The following ESPN variants were observed in gnomAD, a reference collection of about 807,000 sequenced individuals.
ESPN encodes the protein espin, also known as autosomal recessive deafness type 36 protein.
In ESPN, 68 loss-of-function variants were observed where a neutral mutation model predicts 77.7. That is an observed-to-expected ratio of 0.87 (90% CI 0.72 to 1.07). ESPN has a LOEUF of 1.07. Among genes scored for constraint, ESPN ranks in the 50% least tolerant of loss-of-function variants. The probability of loss-of-function intolerance (pLI) is 0.00; values close to 1 mark genes in which losing one functional copy is unlikely to be tolerated. For synonymous variants in ESPN, 449 were observed against 567.1 expected (o/e 0.79, Z 2.96); for missense variants, 1,060 against 1,239.0 (o/e 0.86, Z 2.17).
intron 1 of ESPN, among the ~76,000 whole-genome samples, chr1:6,426,436 C>T (rs1266655873): frequency 6.6e-6 from 1 of 151,648 alleles, no homozygotes; most frequent in South Asian, 2.1e-4. Context: ...CCCAGCTTAT[C>T]GTCTCCTGCC....
chr1:6,425,364 G>A, intron 1 of ESPN, 115 bp downstream of exon 1: 1 of 1,311,692 alleles, frequency 7.6e-7, no homozygotes, highest in Non-Finnish European at 1.1e-6. Context: ...TGGCCCAGCT[G>A]AACCCTGCAC....
In ESPN at chr1:6,428,529, T is replaced by A; in HGVS notation, c.488+110T>A. ...CACTCCAGGGCAATGATCCCTCCAG[T>A]GGCCATCCTGGGGCCAGAGGGCCAG... On this transcript the variant is annotated intron_variant, in intron 2 of 12. Transcript: ENST00000645284. The surrounding 1 kb of genome is among the most constrained non-coding windows in gnomAD (Gnocchi z 5.4). 2.1e-6 allele frequency: 2 copies of A among 961,734 alleles called. No homozygotes were observed. Among genetic ancestry groups the A allele is most frequent in the Non-Finnish European group, 3.1e-6 (2 of 650,612 alleles). 59.6% of individuals were successfully genotyped at this position (961,734 alleles called of 1,614,324 possible).
intron 1 of ESPN, among the ~76,000 whole-genome samples, chr1:6,425,565 G>A (rs1643005313): frequency 6.6e-6 from 1 of 152,240 alleles, no homozygotes; most frequent in Admixed American, 6.5e-5. Flanking sequence ...TGTAGTCCTG[G>A]AAGTGGGTGG....
At position 6,448,664 on chromosome 1, in the gene ESPN, C is replaced by G. The variant is rs764808599; in HGVS notation, c.1488C>G (p.Asp496Glu). 3 of 1,560,308 alleles carry G rather than the reference C, an allele frequency of 1.9e-6. No individual in the cohort carries two copies. The highest frequency in any genetic ancestry group is 2.6e-6 in the Non-Finnish European group (3 of 1,164,484). Residue 496 changes from aspartate to glutamate, a missense_variant, in exon 8 of 13, where the codon GAC becomes GAG. Asp to Glu is a conservative substitution (Grantham distance 45). Transcript: ENST00000645284. The part of the protein sequence containing the change: ...KKELSSCDGH[D>E]GLRRQDSSRK... ...AGCTGAGCTCCTGTGACGGCCACGA[C>G]GGGCTGCGGAGGCAGGACTCCAGCC... is the stretch of plus-strand genomic sequence containing the variant.
At chr1:6,454,426 C>T in intron 10 of ESPN, 1 of 398,950 alleles carries the variant, frequency 2.5e-6, no homozygotes, top group Non-Finnish European at 4.4e-6. Flanking sequence ...TTGTCTTCCC[C>T]GCCTTAGCTG....
chr1:6,454,498 C>T, intron 10 of ESPN: 2 of 399,040 alleles, frequency 5.0e-6, no homozygotes, highest in Non-Finnish European at 8.8e-6. Flanking sequence ...GAGCACAACG[C>T]CATCCTCGGG....
chr1:6,444,631 G>T lies in ESPN; in HGVS notation c.1141G>T (p.Asp381Tyr), dbSNP rs752565640. The T allele has an allele frequency of 5.0e-6, 8 of 1,614,108 alleles. No homozygotes were observed. The highest frequency in any genetic ancestry group is 6.8e-6 in the Non-Finnish European group (8 of 1,180,020). The change falls in exon 6 of 13, where the codon GAC (aspartate) becomes TAC (tyrosine). Residue 381 changes from aspartate to tyrosine, a missense_variant. Asp to Tyr is a radical substitution (Grantham distance 160, BLOSUM62 -3). This residue lies in a region of ESPN where 556 missense variants were observed against 633.6 expected (regional missense o/e 0.88). Coordinates refer to ENST00000645284, the MANE Select transcript of ESPN (RefSeq NM_031475.3). ...SSPTSTLSNY[D>Y]SCSSSHSSIK... ...GCCTACCAGCACCCTCTCCAACTACGACTCCTGCTCCTCCAGCCACTCCAG... is the reference window on the plus strand; with the variant it reads ...GCCTACCAGCACCCTCTCCAACTACTACTCCTGCTCCTCCAGCCACTCCAG...
rs1643864650 is a variant in ESPN, at chr1:6,447,146, C to T, written c.1464+1211C>T. 1 of 153,260 alleles carries T rather than the reference C, an allele frequency of 6.5e-6. No individual in the cohort carries two copies. The highest frequency in any genetic ancestry group is 6.6e-5 in the Admixed American group (1 of 15,264). 9.5% of individuals were successfully genotyped at this position (153,260 alleles called of 1,614,324 possible). On this transcript the variant is annotated intron_variant, in intron 7 of 12. Coordinates refer to ENST00000645284, the MANE Select transcript of ESPN (RefSeq NM_031475.3). The surrounding 1 kb of genome is among the most constrained non-coding windows in gnomAD (Gnocchi z 5.2). Reference sequence around the variant, plus strand: ...CCCCTCCTGGCTGTGTGAGCCCCCTCCCGGCTGTGTGCGTCCCTCCGGGCT... The same window carrying T: ...CCCCTCCTGGCTGTGTGAGCCCCCTTCCGGCTGTGTGCGTCCCTCCGGGCT...
intron 12 of ESPN, among the ~76,000 whole-genome samples, chr1:6,459,627 G>A (rs1484971014): frequency 2.0e-5 from 3 of 151,936 alleles, no homozygotes; most frequent in African/African-American, 7.2e-5. Flanking sequence ...CCCCACCCCA[G>A]TCCTCAATAC....
At chr1:6,454,795 C>A (rs1261355413) in intron 10 of ESPN, 1 of 397,578 alleles carries the variant, frequency 2.5e-6, no homozygotes, top group African/African-American at 2.1e-5. Flanking sequence ...GGCCGGCCTG[C>A]GCACCTGGCG....
In ESPN at chr1:6,450,752, C is replaced by G. The variant is rs1643930050; in HGVS notation, c.1916-851C>G. ...TCCTACTCTTCTCCCCCACCACCCC[C>G]ACCCGCTGTGACTGCATTCTGGGAT... On this transcript the variant is annotated intron_variant, in intron 8 of 12. Transcript: ENST00000645284. This position sits in a 1 kb window ranked among gnomAD's most constrained non-coding sequence, Gnocchi z 4.3. Among the ~76,000 whole-genome samples, 1 of 152,182 alleles carries G rather than the reference C, an allele frequency of 6.6e-6. No individual in the cohort carries two copies. The highest frequency in any genetic ancestry group is 1.5e-5 in the Non-Finnish European group (1 of 68,028).
chr1:6,452,487 T>C (rs2986736), intron 10 of ESPN, among the ~76,000 whole-genome samples: 56,206 of 152,072 alleles, frequency 0.37, 14,594 homozygotes, highest in African/African-American at 0.75. Flanking sequence ...GGTACAACCC[T>C]GTTTGGGGCT....
Position 6,448,622 on chromosome 1 carries a change from G to A in ESPN, c.1465-19G>A, listed in dbSNP as rs778997165. On this transcript the variant is annotated intron_variant, in intron 7 of 12. Coordinates refer to ENST00000645284, the MANE Select transcript of ESPN (RefSeq NM_031475.3). ...ACCGGGCAGGTGCCCGAGCCCCACC[G>A]GTCACTGTCTTCCCGCAGCTGAGCT... is the stretch of plus-strand genomic sequence containing the variant. The A allele has an allele frequency of 1.9e-6, 3 of 1,553,368 alleles. No individual in the cohort carries two copies. Among genetic ancestry groups the A allele is most frequent in the Non-Finnish European group, 2.6e-6 (3 of 1,160,026 alleles).
intron 7 of ESPN, among the ~76,000 whole-genome samples, chr1:6,446,477 C>T (rs1268735773): frequency 2.6e-5 from 4 of 152,088 alleles, no homozygotes; most frequent in Admixed American, 2.6e-4. Context: ...GGCTTGAGCT[C>T]CTGGGGGAAA....
chr1:6,455,410 C>A, intron 10 of ESPN: 1 of 391,724 alleles, frequency 2.6e-6, no homozygotes, highest in Non-Finnish European at 4.5e-6. Context: ...CTGGAGGCCA[C>A]GGACGCCCCC....
intron 10 of ESPN, chr1:6,454,992 GGCGCGGCGCCC>G: frequency 2.7e-6 from 1 of 377,308 alleles, no homozygotes; most frequent in Non-Finnish European, 4.7e-6. Flanking sequence ...GCGCGCACGG[GGCGCGGCGCCC>G]GCGCGCTGTC....
intron 2 of ESPN, among the ~76,000 whole-genome samples, chr1:6,431,356 C>A (rs1041539087): frequency 6.6e-6 from 1 of 152,188 alleles, no homozygotes; most frequent in Non-Finnish European, 1.5e-5. Flanking sequence ...TGCCTGTAAT[C>A]CCAGCACTTT....
chr1:6,436,258 G>C (rs1380604394), intron 2 of ESPN, among the ~76,000 whole-genome samples: 3 of 152,138 alleles, frequency 2.0e-5, no homozygotes, highest in African/African-American at 7.2e-5. Context: ...CTTTCTCACA[G>C]AGTGATCTTA....
intron 10 of ESPN, chr1:6,454,286 C>A (rs1412826375): frequency 2.5e-6 from 1 of 397,222 alleles, no homozygotes; most frequent in African/African-American, 2.1e-5. Flanking sequence ...CGTCACCCCC[C>A]GCCGGCCAGA....
Sources: allele counts gnomAD v4.1 joint callset (sites outside exome capture counted in the v4.1 genomes callset), GRCh38; gene constraint gnomAD v4.1.1; regional missense constraint gnomAD v4.1.1; non-coding constraint Gnocchi (gnomAD v3.1); transcripts MANE v1.5; gene names NCBI Gene and HGNC (gene_info 2026-07-23, HGNC 2026-07-21).